Variants in PTGFR observed in about 807,000 individuals in gnomAD.
PTGFR encodes the protein prostaglandin F2-alpha receptor.
PTGFR carries 15 observed loss-of-function variants against 26.2 expected under a neutral mutation model. The observed-to-expected ratio is 0.57, with a 90% confidence interval of 0.38 to 0.88. PTGFR has a LOEUF of 0.88. Ranked by LOEUF, PTGFR falls within the 40% of genes least tolerant of loss-of-function variation. The pLI is 0.00. For missense variants in PTGFR, 369 were observed against 427.2 expected, an observed-to-expected ratio of 0.86 and a Z score of 1.20; for synonymous variants, 165 against 151.1, an observed-to-expected ratio of 1.09 and a Z score of -0.68.
intron 2 of PTGFR, among the ~76,000 whole-genome samples, chr1:78,500,870 TGGC>T (rs1162821209): frequency 2.6e-5 from 4 of 152,250 alleles, no homozygotes; most frequent in Non-Finnish European, 5.9e-5. Context: ...GGTGTAAAAT[TGGC>T]AAATGTCAAT....
intron 2 of PTGFR, among the ~76,000 whole-genome samples, chr1:78,505,121 T>A (rs1270160735): frequency 1.3e-5 from 1 of 79,104 alleles, no homozygotes; most frequent in East Asian, 9.6e-4. Context: ...TTATTCTAAC[T>A]TTTTTTTTTT....
At chr1:78,498,484 T>C (rs931528916) in intron 2 of PTGFR, among the ~76,000 whole-genome samples, 4 of 151,998 alleles carry the variant, frequency 2.6e-5, no homozygotes, top group Middle Eastern at 3.4e-3. Context: ...CCTGTTTGTG[T>C]ATGTATATAT....
At chr1:78,524,104 A>G (rs1203346174) in intron 2 of PTGFR, among the ~76,000 whole-genome samples, 1 of 152,088 alleles carries the variant, frequency 6.6e-6, no homozygotes, top group Non-Finnish European at 1.5e-5. Flanking sequence ...AGTCGCTACT[A>G]TTGAGTATAT....
At chr1:78,502,889 A>G (rs1649744257) in intron 2 of PTGFR, among the ~76,000 whole-genome samples, 1 of 152,158 alleles carries the variant, frequency 6.6e-6, no homozygotes, top group African/African-American at 2.4e-5. Flanking sequence ...AAACTGAAAT[A>G]TAACGATTCT....
intron 2 of PTGFR, among the ~76,000 whole-genome samples, chr1:78,504,376 C>T (rs1009047833): frequency 6.6e-6 from 1 of 151,968 alleles, no homozygotes; most frequent in Non-Finnish European, 1.5e-5. Flanking sequence ...TTTTTTATTA[C>T]AGTTGTTGGG....
chr1:78,528,511 C>A (rs1650430428), intron 2 of PTGFR, among the ~76,000 whole-genome samples: 1 of 152,010 alleles, frequency 6.6e-6, no homozygotes. Flanking sequence ...GTTAAATAGA[C>A]ATTTATTATT....
chr1:78,504,073 G>A (rs1209602338), intron 2 of PTGFR, among the ~76,000 whole-genome samples: 1 of 152,150 alleles, frequency 6.6e-6, no homozygotes, highest in African/African-American at 2.4e-5. Flanking sequence ...AACTCTGTTG[G>A]AAAGGTGAGA....
chr1:78,537,053 A>G lies in PTGFR; in HGVS notation c.*366A>G, dbSNP rs1024145744. On this transcript the variant is annotated 3_prime_UTR_variant, in exon 3 of 3. Transcript: ENST00000370757. ...ATGCAGCCTGCATAGTGAAATGGTT[A>G]TTTTGAGATCACCGCTCTGTAGCTA... is the stretch of plus-strand genomic sequence containing the variant. The G allele has an allele frequency of 2.1e-5, 4 of 187,832 alleles. No individual in the cohort carries two copies. Among genetic ancestry groups the G allele is most frequent in the Non-Finnish European group, 3.3e-5 (3 of 92,122 alleles). 11.6% of individuals were successfully genotyped at this position (187,832 alleles called of 1,614,324 possible).
chr1:78,506,125 C>T (rs1264253269), intron 2 of PTGFR, among the ~76,000 whole-genome samples: 1 of 152,160 alleles, frequency 6.6e-6, no homozygotes, highest in African/African-American at 2.4e-5. Context: ...TTCACAGCAG[C>T]TGCACCATTT....
chr1:78,519,580 T>C (rs1442936190), intron 2 of PTGFR, among the ~76,000 whole-genome samples: 1 of 152,102 alleles, frequency 6.6e-6, no homozygotes, highest in African/African-American at 2.4e-5. Flanking sequence ...CATGGGCCTG[T>C]GCACATGTGC....
intron 2 of PTGFR, among the ~76,000 whole-genome samples, chr1:78,512,329 A>G (rs1202273495): frequency 6.6e-6 from 1 of 152,196 alleles, no homozygotes; most frequent in African/African-American, 2.4e-5. Context: ...TAATTTTTAA[A>G]GAAAAGAGGT....
chr1:78,533,048 A>C (rs191475764), intron 2 of PTGFR, among the ~76,000 whole-genome samples: 2 of 152,262 alleles, frequency 1.3e-5, no homozygotes, highest in African/African-American at 4.8e-5. Context: ...ATATAGAGTT[A>C]GTTTATTTCT....
At position 78,536,416 on chromosome 1, in the gene PTGFR, C is replaced by T. The variant is rs1650654335; in HGVS notation, c.809C>T (p.Ala270Val). Reference protein sequence around the residue: ...ICWSPFLVTMANIGINGNHSL... With the variant: ...ICWSPFLVTMVNIGINGNHSL... The stretch of plus-strand genomic sequence containing the variant: ...TTTCTTCGTTTCTAGGTTACAATGG[C>T]CAACATTGGAATAAATGGAAATCAT... The change falls in exon 3 of 3, where the codon GCC (alanine) becomes GTC (valine). Residue 270 changes from alanine (A) to valine (V), a missense_variant. Coordinates refer to ENST00000370757, the MANE Select transcript of PTGFR (RefSeq NM_000959.4). 3 of 1,609,128 alleles carry T rather than the reference C, an allele frequency of 1.9e-6. No individual in the cohort carries two copies. Among genetic ancestry groups the T allele is most frequent in the Non-Finnish European group, 2.5e-6 (3 of 1,177,922 alleles).
At chr1:78,535,197 G>A (rs1650616250) in intron 2 of PTGFR, among the ~76,000 whole-genome samples, 1 of 152,086 alleles carries the variant, frequency 6.6e-6, no homozygotes, top group Admixed American at 6.6e-5. Flanking sequence ...CAAAACAAAA[G>A]GAGTTACACA....
rs1649382678 is a variant in PTGFR, at chr1:78,491,133, G to T, written c.-176G>T. 1 of 152,324 alleles carries T rather than the reference G, an allele frequency of 6.6e-6. No individual in the cohort carries two copies. The highest frequency in any genetic ancestry group is 1.5e-5 in the Non-Finnish European group (1 of 68,116). 9.4% of individuals were successfully genotyped at this position (152,324 alleles called of 1,614,324 possible). On this transcript the variant is annotated 5_prime_UTR_variant, in exon 1 of 3. Transcript: ENST00000370757. Reference sequence around the variant, plus strand: ...CGCCCGATCAGGATCTCCGCGCTGGGATCGGTGGAACTTGAGGCAGCGGCG... The same window carrying T: ...CGCCCGATCAGGATCTCCGCGCTGGTATCGGTGGAACTTGAGGCAGCGGCG...
At chr1:78,516,882 G>A (rs944809831) in intron 2 of PTGFR, among the ~76,000 whole-genome samples, 1 of 152,112 alleles carries the variant, frequency 6.6e-6, no homozygotes, top group African/African-American at 2.4e-5. Flanking sequence ...TAAAATCAGA[G>A]GGTGCAAGAA....
At chr1:78,499,896 G>A (rs1032212378) in intron 2 of PTGFR, among the ~76,000 whole-genome samples, 3 of 152,112 alleles carry the variant, frequency 2.0e-5, no homozygotes, top group Non-Finnish European at 4.4e-5. Flanking sequence ...CAAATATAAT[G>A]AGCCATTAAT....
rs149973765 is a variant in PTGFR, at chr1:78,494,896, G to A, written c.798+1355G>A. Among the ~76,000 whole-genome samples the A allele has an allele frequency of 1.1e-3, 162 of 152,276 alleles. No homozygotes were observed. In the East Asian group the frequency reaches 0.026, roughly 24 times the overall value. On this transcript the variant is annotated intron_variant, in intron 2 of 2. Coordinates refer to ENST00000370757, the MANE Select transcript of PTGFR (RefSeq NM_000959.4). ...TGGGATTACAGGCGTGAGTCGCCACGCCCGGCCCACTAGTGCAGTTCTAAT... is the reference window on the plus strand; with the variant it reads ...TGGGATTACAGGCGTGAGTCGCCACACCCGGCCCACTAGTGCAGTTCTAAT...
In PTGFR at chr1:78,536,883, C is replaced by T. The variant is rs1311331844; in HGVS notation, c.*196C>T. 4 of 619,582 alleles carry T rather than the reference C, an allele frequency of 6.5e-6. No homozygotes were observed. The highest frequency in any genetic ancestry group is 3.0e-5 in the East Asian group (1 of 32,916). The allele number at this position is 619,582 out of a possible 1,614,324, so 38.4% of individuals were successfully genotyped here. A position where few individuals can be genotyped will look rare whatever the true frequency, so the allele number is the denominator to read the frequency against. On this transcript the variant is annotated 3_prime_UTR_variant, in exon 3 of 3. Transcript: ENST00000370757. ...ACTGTACATTTTTCACTTGTTTTTGCCAATGGGAGGTAGACACAATAAAAT... is the reference window on the plus strand; with the variant it reads ...ACTGTACATTTTTCACTTGTTTTTGTCAATGGGAGGTAGACACAATAAAAT...
Sources: gnomAD v4.1 joint callset for allele counts (sites outside exome capture counted in the v4.1 genomes callset) on GRCh38, gnomAD v4.1.1 for gene constraint, MANE v1.5 for transcripts, NCBI Gene and HGNC (gene_info 2026-07-23, HGNC 2026-07-21) for gene names.